Variants in PELI2 observed in about 807,000 individuals in gnomAD.
PELI2 encodes E3 ubiquitin-protein ligase pellino homolog 2.
PELI2 carries 23 observed loss-of-function variants against 42.3 expected under a neutral mutation model. The ratio of observed to expected loss-of-function variants is 0.54; its 90% CI spans 0.39 to 0.77. The LOEUF (loss-of-function observed/expected upper bound fraction) is 0.77. Among genes scored for constraint, PELI2 ranks in the 30% least tolerant of loss-of-function variants. PELI2 has a pLI of 0.00. For missense variants in PELI2, 463 were observed against 553.2 expected, an observed-to-expected ratio of 0.84 and a Z score of 1.64; for synonymous variants, 245 against 212.2, an observed-to-expected ratio of 1.15 and a Z score of -1.34.
chr14:56,226,638 C>T (rs1887365133), intron 2 of PELI2, among the ~76,000 whole-genome samples: 1 of 152,158 alleles, frequency 6.6e-6, no homozygotes, highest in African/African-American at 2.4e-5. Flanking sequence ...GACGTAGATG[C>T]CATGGCACTT....
At chr14:56,126,739 G>A (rs578059939) in intron 1 of PELI2, among the ~76,000 whole-genome samples, 9 of 152,232 alleles carry the variant, frequency 5.9e-5, no homozygotes, top group African/African-American at 2.2e-4. Flanking sequence ...TTGATTGATG[G>A]ATTGATTGAT....
intron 2 of PELI2, among the ~76,000 whole-genome samples, chr14:56,204,322 G>C (rs935704667): frequency 6.6e-6 from 1 of 152,166 alleles, no homozygotes; most frequent in Admixed American, 6.5e-5. Flanking sequence ...TGACAGCTTA[G>C]AGCGATATTC....
At chr14:56,175,383 T>C (rs1186552730) in intron 1 of PELI2, among the ~76,000 whole-genome samples, 1 of 152,240 alleles carries the variant, frequency 6.6e-6, no homozygotes, top group African/African-American at 2.4e-5. Flanking sequence ...GTGCATCTTG[T>C]TACATGTGTA....
intron 2 of PELI2, among the ~76,000 whole-genome samples, chr14:56,274,779 A>G (rs1889230498): frequency 6.6e-6 from 1 of 152,230 alleles, no homozygotes; most frequent in Non-Finnish European, 1.5e-5. Context: ...TCAGCTGAGA[A>G]GAAAATACTT....
chr14:56,249,748 G>C (rs981009089), intron 2 of PELI2, among the ~76,000 whole-genome samples: 17 of 152,154 alleles, frequency 1.1e-4, no homozygotes, highest in Admixed American at 7.9e-4. Flanking sequence ...AGCTCTGTGG[G>C]AACTCAGGTT....
chr14:56,282,485 A>G (rs1480798604), intron 3 of PELI2, among the ~76,000 whole-genome samples: 1 of 152,152 alleles, frequency 6.6e-6, no homozygotes, highest in Non-Finnish European at 1.5e-5. Context: ...ACATGAATGT[A>G]GCAGTTGCCT....
At chr14:56,276,969 T>C (rs1889314482) in intron 2 of PELI2, among the ~76,000 whole-genome samples, 1 of 152,224 alleles carries the variant, frequency 6.6e-6, no homozygotes, top group Non-Finnish European at 1.5e-5. Context: ...GGTAATGTGA[T>C]GCTTTCGCTA....
rs188523145 is a variant in PELI2 at position 56,281,652 on chromosome 14, T to G, written c.309+1875T>G. ...GGCAAATTACAAATTGGGGAAATAT[T>G]TACAATTTGTATCACAAAAGGTTAA... On this transcript the variant is annotated intron_variant, in intron 3 of 5. Coordinates refer to ENST00000267460, the MANE Select transcript of PELI2 (RefSeq NM_021255.3). 3.5e-4 allele frequency among the ~76,000 whole-genome samples: 54 copies of G among 152,246 alleles called. 1 individual carries two copies. The East Asian group carries it at 8.9e-3, about 25-fold the overall frequency.
chr14:56,295,855 A>G (rs1316396718), intron 5 of PELI2, among the ~76,000 whole-genome samples: 2 of 152,214 alleles, frequency 1.3e-5, no homozygotes, highest in Non-Finnish European at 2.9e-5. Context: ...TCTGCCTTCC[A>G]CTACTGAAGA....
chr14:56,160,861 GT>G (rs1884733083), intron 1 of PELI2, among the ~76,000 whole-genome samples: 1 of 152,182 alleles, frequency 6.6e-6, no homozygotes, highest in Non-Finnish European at 1.5e-5. Flanking sequence ...CTTAGTTATG[GT>G]TTAGGTAAGT....
intron 2 of PELI2, among the ~76,000 whole-genome samples, chr14:56,212,940 T>G (rs951099090): frequency 7.6e-6 from 1 of 131,552 alleles, no homozygotes; most frequent in Non-Finnish European, 1.6e-5. Context: ...AAAGCCAGGC[T>G]GTAGAGTGGG....
At chr14:56,161,892 T>C (rs1884776876) in intron 1 of PELI2, among the ~76,000 whole-genome samples, 1 of 152,194 alleles carries the variant, frequency 6.6e-6, no homozygotes, top group African/African-American at 2.4e-5. Flanking sequence ...AAGTCTGTTG[T>C]GGCACTACCA....
intron 1 of PELI2, among the ~76,000 whole-genome samples, chr14:56,140,565 A>G (rs750210767): frequency 6.6e-6 from 1 of 152,246 alleles, no homozygotes; most frequent in African/African-American, 2.4e-5. Flanking sequence ...GACTACCTAC[A>G]TTAAAGAGTT....
chr14:56,296,700 C>T lies in PELI2; in HGVS notation c.797C>T (p.Thr266Ile). 1.2e-6 allele frequency: 2 copies of T among 1,614,166 alleles called. No homozygotes were observed. The highest frequency in any genetic ancestry group is 1.1e-5 in the South Asian group (1 of 91,084). ...RTADGLFHTP[T>I]QKHIEALRQE... ...GCAGATGGGCTTTTTCATACTCCAACTCAGAAGCACATAGAAGCCCTCCGG... is the reference window on the plus strand; with the variant it reads ...GCAGATGGGCTTTTTCATACTCCAATTCAGAAGCACATAGAAGCCCTCCGG... The change falls in exon 6 of 6, where the codon ACT becomes ATT. Residue 266 changes from threonine to isoleucine, a missense_variant. This residue lies in a region of PELI2 where 343 missense variants were observed against 378.4 expected (regional missense o/e 0.91). Transcript: ENST00000267460.
chr14:56,190,599 T>C (rs1885921159), intron 2 of PELI2, among the ~76,000 whole-genome samples: 1 of 152,118 alleles, frequency 6.6e-6, no homozygotes, highest in Non-Finnish European at 1.5e-5. Context: ...TTTTGGTACT[T>C]TGTACAGTTG....
chr14:56,163,228 T>C (rs1293599463), intron 1 of PELI2, among the ~76,000 whole-genome samples: 2 of 152,232 alleles, frequency 1.3e-5, no homozygotes, highest in Non-Finnish European at 2.9e-5. Flanking sequence ...TTTAAATCTT[T>C]AATGCATTTT....
intron 2 of PELI2, among the ~76,000 whole-genome samples, chr14:56,241,128 A>G (rs918139550): frequency 3.3e-5 from 5 of 152,132 alleles, no homozygotes; most frequent in African/African-American, 1.2e-4. Flanking sequence ...AATCAACCAC[A>G]TGGAGAGAAA....
At chr14:56,271,501 G>C (rs947812193) in intron 2 of PELI2, among the ~76,000 whole-genome samples, 1 of 152,156 alleles carries the variant, frequency 6.6e-6, no homozygotes, top group Non-Finnish European at 1.5e-5. Context: ...TAGTCATTTT[G>C]TATAGTTGTT....
At chr14:56,245,346 A>G (rs1235879225) in intron 2 of PELI2, among the ~76,000 whole-genome samples, 2 of 152,208 alleles carry the variant, frequency 1.3e-5, no homozygotes, top group African/African-American at 4.8e-5. Flanking sequence ...TAAATGTGTC[A>G]TTGAACCCAA....
Sources: gnomAD v4.1 joint callset for allele counts (sites outside exome capture counted in the v4.1 genomes callset) on GRCh38, gnomAD v4.1.1 for gene constraint, gnomAD v4.1.1 regional missense constraint, MANE v1.5 for transcripts, NCBI Gene and HGNC (gene_info 2026-07-23, HGNC 2026-07-21) for gene names.